The following GALNT7 variants were observed in gnomAD, a reference collection of about 807,000 sequenced individuals.
GALNT7 encodes polypeptide N-acetylgalactosaminyltransferase 7.
In GALNT7, 60 loss-of-function variants were observed where a neutral mutation model predicts 82.1. That is an observed-to-expected ratio of 0.73 (90% CI 0.59 to 0.91). GALNT7 has a LOEUF of 0.91. Ranked by LOEUF, GALNT7 falls within the 40% of genes least tolerant of loss-of-function variation. The probability of loss-of-function intolerance (pLI) is 0.00; values close to 1 mark genes in which losing one functional copy is unlikely to be tolerated. For missense variants in GALNT7, 660 were observed against 804.2 expected (o/e 0.82, Z 2.17); for synonymous variants, 243 against 275.1 (o/e 0.88, Z 1.15).
chr4:173,313,263 C>T (rs977466564), intron 8 of GALNT7, among the ~76,000 whole-genome samples: 2 of 151,638 alleles, frequency 1.3e-5, no homozygotes, highest in African/African-American at 4.8e-5. Flanking sequence ...ATCAACAGAA[C>T]GATTCTAATA....
At chr4:173,198,319 C>T (rs143444602) in intron 1 of GALNT7, among the ~76,000 whole-genome samples, 1,986 of 151,868 alleles carry the variant, frequency 0.013, 38 homozygotes, top group East Asian at 0.061. Flanking sequence ...CCGCCTGCCT[C>T]GGTCTCCCAA....
chr4:173,176,887 A>C (rs1313733243), intron 1 of GALNT7, among the ~76,000 whole-genome samples: 2 of 152,258 alleles, frequency 1.3e-5, no homozygotes, highest in African/African-American at 4.8e-5. Flanking sequence ...ATCTGGAAAC[A>C]GTGCAAGCTA....
chr4:173,191,487 G>C lies in GALNT7; in HGVS notation c.126+22526G>C, dbSNP rs114844263. Among the ~76,000 whole-genome samples, 1,207 of 152,262 alleles carry C rather than the reference G, an allele frequency of 7.9e-3. 19 individuals carry two copies. The highest frequency in any genetic ancestry group is 0.027 in the African/African-American group (1,125 of 41,534). ...TAAGTTCTAGAGCCAGATTCACAAA[G>C]CAAAATATAGAAAGGTGGGTTTGGA... On this transcript the variant is annotated intron_variant, in intron 1 of 11. Transcript: ENST00000265000.
At chr4:173,228,173 A>G (rs1250202493) in intron 1 of GALNT7, among the ~76,000 whole-genome samples, 1 of 151,372 alleles carries the variant, frequency 6.6e-6, no homozygotes, top group Non-Finnish European at 1.5e-5. Context: ...GAAGCTTAAC[A>G]ATTTTTTGAA....
intron 1 of GALNT7, among the ~76,000 whole-genome samples, chr4:173,215,734 AATT>A (rs1733425487): frequency 6.6e-6 from 1 of 152,198 alleles, no homozygotes; most frequent in Non-Finnish European, 1.5e-5. Flanking sequence ...TCTTTTTGTC[AATT>A]ATTTTGAAAC....
intron 3 of GALNT7, 25 bp from the exon 4 acceptor site, chr4:173,295,371 A>T: frequency 6.8e-7 from 1 of 1,461,124 alleles, no homozygotes; most frequent in Non-Finnish European, 9.6e-7. Context: ...TCTAATTTAT[A>T]ATATCGATTG....
At chr4:173,274,389 G>A (rs1173043130) in intron 2 of GALNT7, among the ~76,000 whole-genome samples, 1 of 152,016 alleles carries the variant, frequency 6.6e-6, no homozygotes, top group South Asian at 2.1e-4. Context: ...GTATTTCCTG[G>A]GTATTGGGTG....
Position 173,302,131 on chromosome 4 carries a change from T to G in GALNT7, c.1233T>G (p.Ile411Met). 1 of 1,570,602 alleles carries G rather than the reference T, an allele frequency of 6.4e-7. No homozygotes were observed. Among genetic ancestry groups the G allele is most frequent in the Non-Finnish European group, 8.8e-7 (1 of 1,140,468 alleles). ...ELGLYDPGLQ[I>M]WGGENFEISY... is the part of the protein sequence containing the mutation. ...GTCTCTATGATCCAGGTCTCCAGATTTGGGGTGGTGAAAACTTTGAGATCT... is the reference window on the plus strand; with the variant it reads ...GTCTCTATGATCCAGGTCTCCAGATGTGGGGTGGTGAAAACTTTGAGATCT... Residue 411 changes from isoleucine (I) to methionine (M), a missense_variant, in exon 7 of 12, where the codon ATT becomes ATG. By Grantham distance (10) the Ile-to-Met change is conservative. Transcript: ENST00000265000. The surrounding 1 kb of genome is among the most constrained non-coding windows in gnomAD (Gnocchi z 4.2).
chr4:173,294,586 G>A lies in GALNT7; in HGVS notation c.755-810G>A, dbSNP rs181640214. Among the ~76,000 whole-genome samples, 369 of 152,214 alleles carry A rather than the reference G, an allele frequency of 2.4e-3. 4 individuals are homozygous for A. The highest frequency in any genetic ancestry group is 2.8e-3 in the Non-Finnish European group (193 of 68,014). On this transcript the variant is annotated intron_variant, in intron 3 of 11. Coordinates refer to ENST00000265000, the MANE Select transcript of GALNT7 (RefSeq NM_017423.3). ...TTTAAAACAATTGAGGACAATGCTT[G>A]TGTCCTCAAGAAGCATCTTTTAAAT...
At chr4:173,301,500 A>G (rs191765714) in intron 6 of GALNT7, among the ~76,000 whole-genome samples, 1 of 152,320 alleles carries the variant, frequency 6.6e-6, no homozygotes, top group Non-Finnish European at 1.5e-5. Flanking sequence ...ATCTATATCT[A>G]ATTCTCCTGT....
chr4:173,209,744 A>G (rs1322006278), intron 1 of GALNT7, among the ~76,000 whole-genome samples: 1 of 152,168 alleles, frequency 6.6e-6, no homozygotes, highest in Non-Finnish European at 1.5e-5. Context: ...CTGCCAGTCT[A>G]TCCTTCGCCT....
At chr4:173,262,630 C>T (rs1735319293) in intron 2 of GALNT7, among the ~76,000 whole-genome samples, 1 of 152,158 alleles carries the variant, frequency 6.6e-6, no homozygotes, top group South Asian at 2.1e-4. Context: ...CAAAAAACTT[C>T]CAGATAACCA....
chr4:173,266,256 T>G lies in GALNT7; in HGVS notation c.587+17816T>G, dbSNP rs183571594. On this transcript the variant is annotated intron_variant, in intron 2 of 11. Transcript: ENST00000265000. The stretch of plus-strand genomic sequence containing the variant: ...GCCTGGGCAACAAAGCAAGACTCTG[T>G]CTCAAAAAGGAAAAAGAAAAAGAAA... Among the ~76,000 whole-genome samples the G allele has an allele frequency of 2.4e-3, 371 of 152,156 alleles. 2 individuals are homozygous for G. The highest frequency in any genetic ancestry group is 8.5e-3 in the African/African-American group (354 of 41,508).
chr4:173,217,185 A>G (rs1309687016), intron 1 of GALNT7, among the ~76,000 whole-genome samples: 2 of 152,170 alleles, frequency 1.3e-5, no homozygotes, highest in African/African-American at 4.8e-5. Flanking sequence ...GAATGGTGCC[A>G]TTAAGTTAAA....
intron 2 of GALNT7, among the ~76,000 whole-genome samples, chr4:173,272,592 C>T (rs1010644160): frequency 6.6e-6 from 1 of 152,116 alleles, no homozygotes; most frequent in African/African-American, 2.4e-5. Context: ...TGGAAAATTA[C>T]AATGAAGCAG....
At chr4:173,223,234 T>A (rs905349836) in intron 1 of GALNT7, among the ~76,000 whole-genome samples, 2 of 152,204 alleles carry the variant, frequency 1.3e-5, no homozygotes, top group African/African-American at 2.4e-5. Flanking sequence ...AGGACTCCAT[T>A]CATTGCCTTT....
chr4:173,217,315 T>G (rs1733501481), intron 1 of GALNT7, among the ~76,000 whole-genome samples: 1 of 152,162 alleles, frequency 6.6e-6, no homozygotes, highest in African/African-American at 2.4e-5. Flanking sequence ...TTGTTCATGG[T>G]GGGGACAAGG....
chr4:173,235,445 G>A (rs534541311), intron 1 of GALNT7, among the ~76,000 whole-genome samples: 12 of 152,108 alleles, frequency 7.9e-5, no homozygotes, highest in East Asian at 1.9e-4. Flanking sequence ...TGCACAACAC[G>A]TTCTCTACCT....
intron 1 of GALNT7, among the ~76,000 whole-genome samples, chr4:173,177,905 T>G (rs1732102903): frequency 6.6e-6 from 1 of 152,106 alleles, no homozygotes. Context: ...GAAAAAGTTT[T>G]ATTAGAGAAC....
Sources: gnomAD v4.1 joint callset for allele counts (sites outside exome capture counted in the v4.1 genomes callset) on GRCh38, gnomAD v4.1.1 for gene constraint, Gnocchi (gnomAD v3.1) non-coding constraint, MANE v1.5 for transcripts, NCBI Gene and HGNC (gene_info 2026-07-23, HGNC 2026-07-21) for gene names.